The following COL4A6 variants were observed in gnomAD, a reference collection of about 807,000 sequenced individuals.
The protein encoded by COL4A6 is collagen type IV alpha 6 chain, also known as collagen alpha-6(IV) chain.
In COL4A6, 59 loss-of-function variants were observed where a neutral mutation model predicts 126.7. The observed-to-expected ratio is 0.47, with a 90% CI of 0.38 to 0.58. COL4A6 has a LOEUF of 0.58. Ranked by LOEUF, COL4A6 falls within the 20% of genes least tolerant of loss-of-function variation. The probability of loss-of-function intolerance (pLI) is 0.00; values close to 1 mark genes in which losing one functional copy is unlikely to be tolerated. For synonymous variants in COL4A6, 547 were observed against 496.6 expected, an observed-to-expected ratio of 1.10 and a Z score of -1.35; for missense variants, 1,285 against 1,337.3, an observed-to-expected ratio of 0.96 and a Z score of 0.61.
chrX:108,158,582 T>C (rs748528096), intron 44 of COL4A6, among the ~76,000 whole-genome samples: 3 of 111,822 alleles, frequency 2.7e-5, no homozygotes, highest in Non-Finnish European at 5.6e-5. Flanking sequence ...ACAGGTGAGG[T>C]GATTCTGTAT....
chrX:108,376,916 G>C (rs760482573), intron 2 of COL4A6, among the ~76,000 whole-genome samples: 1 of 112,509 alleles, frequency 8.9e-6, no homozygotes, highest in Admixed American at 9.3e-5. Context: ...TCCTTAGGTG[G>C]AATGAGAGAC....
chrX:108,432,926 C>T (rs1198519285), intron 2 of COL4A6, among the ~76,000 whole-genome samples: 1 of 111,579 alleles, frequency 9.0e-6, no homozygotes, highest in Non-Finnish European at 1.9e-5. Flanking sequence ...TGTCAGATAA[C>T]ACAGTGAAGT....
chrX:108,273,230 A>G (rs2037502268), intron 3 of COL4A6, among the ~76,000 whole-genome samples: 1 of 110,602 alleles, frequency 9.0e-6, no homozygotes, highest in Non-Finnish European at 1.9e-5. Flanking sequence ...ACATGAAAAA[A>G]TGCTCATCAT....
chrX:108,280,341 T>C (rs1405766110), intron 3 of COL4A6, among the ~76,000 whole-genome samples: 1 of 111,383 alleles, frequency 9.0e-6, no homozygotes, highest in Non-Finnish European at 1.9e-5. Flanking sequence ...AAATACAAAC[T>C]ACCATCAGAG....
At chrX:108,380,676 C>T (rs923442589) in intron 2 of COL4A6, among the ~76,000 whole-genome samples, 5 of 112,318 alleles carry the variant, frequency 4.5e-5, no homozygotes, top group African/African-American at 1.6e-4. Flanking sequence ...AACACTGTTA[C>T]TTACTCAGTT....
intron 28 of COL4A6, among the ~76,000 whole-genome samples, chrX:108,176,112 G>A (rs1307696596): frequency 9.1e-6 from 1 of 110,199 alleles, no homozygotes; most frequent in Non-Finnish European, 1.9e-5. Flanking sequence ...ATCACCTGTG[G>A]TCAGGAGTTC....
chrX:108,296,393 T>C (rs1454685602), intron 3 of COL4A6, among the ~76,000 whole-genome samples: 1 of 111,261 alleles, frequency 9.0e-6, no homozygotes, highest in Non-Finnish European at 1.9e-5. Context: ...AATCAGAGAG[T>C]GAAAATGGGT....
chrX:108,382,372 A>ATTAT (rs1441303425), intron 2 of COL4A6, among the ~76,000 whole-genome samples: 5 of 111,727 alleles, frequency 4.5e-5, no homozygotes, highest in African/African-American at 1.6e-4. Context: ...CACTTACCAC[A>ATTAT]GTGCCTGGCA....
At chrX:108,170,574 A>G in intron 35 of COL4A6, 35 bp downstream of exon 35, 1 of 1,094,528 alleles carries the variant, frequency 9.1e-7, no homozygotes, top group Non-Finnish European at 1.3e-6. Context: ...CGAGGGAAAG[A>G]CTTTTCCCCA....
chrX:108,384,905 C>T (rs1189317869), intron 2 of COL4A6, among the ~76,000 whole-genome samples: 1 of 110,827 alleles, frequency 9.0e-6, no homozygotes, highest in Non-Finnish European at 1.9e-5. Context: ...ACTTTGCTGG[C>T]TGTAAAAGTG....
Position 108,219,714 on chromosome X carries a change from C to T in COL4A6, c.308G>A (p.Gly103Asp). 8.3e-7 allele frequency: 1 copy of T among 1,208,801 alleles called. No homozygotes were observed. The highest frequency in any genetic ancestry group is 1.1e-6 in the Non-Finnish European group (1 of 893,233). The change falls in exon 5 of 45, where the codon GGC becomes GAC. Residue 103 changes from glycine to aspartate, a missense_variant. By Grantham distance (94) the Gly-to-Asp change is moderately conservative. Transcript: ENST00000334504. ...KGPMGVPGFL[G>D]INGIPGHPGQ... ...CACACTCACCGGAATCCCATTGATGCCAAGAAAGCCAGGAACTCCCATGGG... is the reference window on the plus strand; with the variant it reads ...CACACTCACCGGAATCCCATTGATGTCAAGAAAGCCAGGAACTCCCATGGG...
intron 3 of COL4A6, among the ~76,000 whole-genome samples, chrX:108,251,994 A>T (rs1457775147): frequency 3.6e-5 from 4 of 111,142 alleles, no homozygotes. Context: ...AGCATTCAAA[A>T]TCCTTTTTTC....
At chrX:108,330,802 G>A (rs2039278403) in intron 2 of COL4A6, among the ~76,000 whole-genome samples, 1 of 111,367 alleles carries the variant, frequency 9.0e-6, no homozygotes, top group South Asian at 3.8e-4. Flanking sequence ...TGGCAAATCT[G>A]AGGTTTCTTA....
At chrX:108,273,909 G>C (rs1330355883) in intron 3 of COL4A6, among the ~76,000 whole-genome samples, 1 of 112,345 alleles carries the variant, frequency 8.9e-6, no homozygotes, top group Admixed American at 9.4e-5. Context: ...ACATAGGTTA[G>C]AGAAAGATAG....
chrX:108,211,805 C>G, intron 6 of COL4A6, 65 bp from the exon 7 acceptor site: 1 of 1,028,848 alleles, frequency 9.7e-7, no homozygotes. Context: ...ATTGCATTAT[C>G]TGATCAGATA....
chrX:108,434,104 G>A (rs754645766), intron 2 of COL4A6, among the ~76,000 whole-genome samples: 17 of 111,650 alleles, frequency 1.5e-4, no homozygotes, highest in Non-Finnish European at 2.8e-4. Context: ...CATATTTATT[G>A]AAGACTCCAA....
intron 3 of COL4A6, chrX:108,267,772 T>G (rs1296958327): frequency 8.9e-6 from 1 of 112,736 alleles, no homozygotes; most frequent in Non-Finnish European, 1.9e-5. Context: ...TTTCACAGAC[T>G]CTTTTTCACG....
chrX:108,281,418 C>CCTAGGAATTTTTTT (rs1380665532), intron 3 of COL4A6, among the ~76,000 whole-genome samples: 1 of 69,131 alleles, frequency 1.4e-5, no homozygotes, highest in Non-Finnish European at 2.9e-5. Context: ...GAATAAAATA[C>CCTAGGAATTTTTTT]CTAGGAATCC....
Position 108,172,532 on chromosome X carries a change from C to G in COL4A6, c.3139G>C (p.Gly1047Arg). ...TGFPGMPGESGSQGIRGSPGL... is the reference protein window; with the variant it reads ...TGFPGMPGESRSQGIRGSPGL... ...GGCGACCCTCTGATACCTTGTGAAC[C>G]CTTCGAAGCAATATGGGAATCATCA... Residue 1047 changes from glycine to arginine, a missense_variant and splice_region_variant, in exon 32 of 45, where the codon GGT (glycine) becomes CGT (arginine). Coordinates refer to ENST00000334504, the MANE Select transcript of COL4A6 (RefSeq NM_033641.4). 1.7e-6 allele frequency: 2 copies of G among 1,200,014 alleles called. No homozygotes were observed. Among genetic ancestry groups the G allele is most frequent in the Non-Finnish European group, 2.3e-6 (2 of 887,985 alleles).
Sources: gnomAD v4.1 joint callset for allele counts (sites outside exome capture counted in the v4.1 genomes callset) on GRCh38, gnomAD v4.1.1 for gene constraint, MANE v1.5 for transcripts, NCBI Gene and HGNC (gene_info 2026-07-23, HGNC 2026-07-21) for gene names.